Variants in KCTD1 observed in about 807,000 individuals in gnomAD.
KCTD1 encodes the protein potassium channel tetramerization domain containing 1.
In KCTD1, 24 loss-of-function variants were observed where a neutral mutation model predicts 66.0. That is an observed-to-expected ratio of 0.36 (90% CI 0.26 to 0.51). The LOEUF (loss-of-function observed/expected upper bound fraction) is 0.51. Ranked by LOEUF, KCTD1 falls within the 20% of genes least tolerant of loss-of-function variation. KCTD1 has a pLI of 0.95. For missense variants in KCTD1, 943 were observed against 1,205.2 expected, an observed-to-expected ratio of 0.78 and a Z score of 3.22; for synonymous variants, 511 against 517.2, an observed-to-expected ratio of 0.99 and a Z score of 0.16.
At chr18:26,657,130 TGGA>T (rs974386563) in intron 1 of KCTD1, among the ~76,000 whole-genome samples, 16 of 151,108 alleles carry the variant, frequency 1.1e-4, no homozygotes, top group Admixed American at 3.3e-4. Context: ...CAGCTCCCAC[TGGA>T]GGAAGAAAGC....
chr18:26,656,715 G>A (rs1454536898), intron 1 of KCTD1, among the ~76,000 whole-genome samples: 1 of 151,482 alleles, frequency 6.6e-6, no homozygotes, highest in Non-Finnish European at 1.5e-5. Context: ...AGAAGGGGGC[G>A]GCGGGGCCCC....
At chr18:26,654,670 A>T (rs2145085586) in intron 1 of KCTD1, among the ~76,000 whole-genome samples, 1 of 152,262 alleles carries the variant, frequency 6.6e-6, no homozygotes, top group Middle Eastern at 3.4e-3. Flanking sequence ...CCCTCAATTC[A>T]TTTCAAAATT....
Position 26,657,221 on chromosome 18 carries a change from C to G in KCTD1, c.9+139G>C, listed in dbSNP as rs558371155. On this transcript the variant is annotated intron_variant, in intron 1 of 4. Coordinates refer to the KCTD1 transcript ENST00000580191. The stretch of plus-strand genomic sequence containing the variant: ...GGGTCCAAGCGGATTCCTAGTCGCC[C>G]GCCGCGGCGGGCGGCGTGTGTGCGA... The G allele has an allele frequency of 3.7e-4, 224 of 612,142 alleles. 1 individual carries two copies. In the African/African-American group the frequency reaches 4.3e-3, roughly 12 times the overall value. The allele number at this position is 612,142 out of a possible 1,614,324, so 37.9% of individuals were successfully genotyped here. A position where few individuals can be genotyped will look rare whatever the true frequency, so the allele number is the denominator to read the frequency against.
At chr18:26,512,198 G>C (rs1028471081) in intron 1 of KCTD1, among the ~76,000 whole-genome samples, 1 of 151,822 alleles carries the variant, frequency 6.6e-6, no homozygotes, top group African/African-American at 2.4e-5. Flanking sequence ...CTGCCTCCTG[G>C]GTTCAAGCAA....
At chr18:26,641,119 G>A (rs760216256), upstream of KCTD1, among the ~76,000 whole-genome samples, 54 of 152,152 alleles carry the variant, frequency 3.5e-4, no homozygotes, top group Non-Finnish European at 6.8e-4. Flanking sequence ...TGCTGTGTGT[G>A]TATGTAAGGC....
intron 1 of KCTD1, among the ~76,000 whole-genome samples, chr18:26,626,543 A>T (rs1250207598): frequency 2.1e-5 from 3 of 144,720 alleles, no homozygotes; most frequent in African/African-American, 7.7e-5. Flanking sequence ...TGGTGCAATT[A>T]CGGCTCACCA....
intron 1 of KCTD1, among the ~76,000 whole-genome samples, chr18:26,530,139 T>TA (rs1316570544): frequency 6.6e-6 from 1 of 152,204 alleles, no homozygotes; most frequent in Non-Finnish European, 1.5e-5. Flanking sequence ...TTCAAAGCAG[T>TA]ATGTCTAGAG....
Position 26,532,261 on chromosome 18 carries a change from C to CTTT in KCTD1, c.1809+14464_1809+14466dup, listed in dbSNP as rs533359603. ...CTTTTTCTTTTTCTTTTCTTTCCTT[C>CTTT]TTTTTTTTTTTTTTTTTTTTTTTTT... On this transcript the variant is annotated intron_variant, in intron 1 of 4. Transcript: ENST00000580059. 1.5e-3 allele frequency among the ~76,000 whole-genome samples: 45 copies of CTTT among 29,554 alleles called. 1 individual carries two copies. Among genetic ancestry groups the CTTT allele is most frequent in the African/African-American group, 2.2e-3 (34 of 15,388 alleles). 19.4% of individuals were successfully genotyped at this position (29,554 alleles called of 152,430 possible).
At chr18:26,477,160 G>A (rs935892932) in intron 2 of KCTD1, among the ~76,000 whole-genome samples, 2 of 152,072 alleles carry the variant, frequency 1.3e-5, no homozygotes, top group Non-Finnish European at 2.9e-5. Flanking sequence ...ATATAAAAAA[G>A]AATAATTTAA....
chr18:26,490,580 G>A (rs192630813), intron 2 of KCTD1, among the ~76,000 whole-genome samples: 9 of 152,236 alleles, frequency 5.9e-5, no homozygotes, highest in Non-Finnish European at 1.3e-4. Flanking sequence ...CAAAATGTTT[G>A]ACTTTCACAC....
chr18:26,562,907 CT>C (rs957049111), intron 1 of KCTD1, among the ~76,000 whole-genome samples: 2 of 152,180 alleles, frequency 1.3e-5, no homozygotes, highest in Non-Finnish European at 2.9e-5. Flanking sequence ...TTAATTACCT[CT>C]TTAACAACCC....
intron 1 of KCTD1, among the ~76,000 whole-genome samples, chr18:26,509,853 T>C (rs1268287656): frequency 6.6e-6 from 1 of 152,212 alleles, no homozygotes; most frequent in Non-Finnish European, 1.5e-5. Context: ...GCCCGCCCCG[T>C]GCGATCTCTG....
upstream of KCTD1, among the ~76,000 whole-genome samples, chr18:26,629,855 T>C (rs1219391137): frequency 1.3e-5 from 2 of 151,920 alleles, no homozygotes; most frequent in Admixed American, 1.3e-4. Flanking sequence ...GTAGCTGGGA[T>C]TATAGATGTC....
intron 1 of KCTD1, among the ~76,000 whole-genome samples, chr18:26,517,492 C>G (rs1245316217): frequency 6.6e-6 from 1 of 151,892 alleles, no homozygotes; most frequent in South Asian, 2.1e-4. Context: ...CCCGTCTCTA[C>G]TAAAAAATAC....
At chr18:26,579,125 C>T (rs1048443585) in intron 1 of KCTD1, among the ~76,000 whole-genome samples, 1 of 151,978 alleles carries the variant, frequency 6.6e-6, no homozygotes, top group African/African-American at 2.4e-5. Flanking sequence ...AGACTGCAAA[C>T]TCCTTATTTG....
chr18:26,540,635 G>A (rs1259890907), intron 1 of KCTD1, among the ~76,000 whole-genome samples: 1 of 152,080 alleles, frequency 6.6e-6, no homozygotes, highest in African/African-American at 2.4e-5. Flanking sequence ...AGACCTTTAT[G>A]ATCATCCACT....
chr18:26,488,962 C>T (rs1982053589), intron 2 of KCTD1, among the ~76,000 whole-genome samples: 1 of 152,156 alleles, frequency 6.6e-6, no homozygotes, highest in Non-Finnish European at 1.5e-5. Context: ...AATGTCACTG[C>T]CGTCAGATTG....
At chr18:26,540,727 G>A (rs552817939) in intron 1 of KCTD1, among the ~76,000 whole-genome samples, 6 of 152,080 alleles carry the variant, frequency 3.9e-5, no homozygotes, top group Admixed American at 6.6e-5. Context: ...TTACTTTATT[G>A]TAAGAATACA....
chr18:26,540,795 G>A lies in KCTD1; in HGVS notation c.1809+5933C>T, dbSNP rs79328282. On this transcript the variant is annotated intron_variant, in intron 1 of 4. Coordinates refer to ENST00000580059, the MANE Select transcript of KCTD1 (RefSeq NM_001142730.3). ...ATCAACTGTTTATGGTATTGGCAAA[G>A]CTTCTGGTCAACAGCAAGCTATTAG... 3.8e-3 allele frequency among the ~76,000 whole-genome samples: 577 copies of A among 152,320 alleles called. 4 individuals carry two copies. Among genetic ancestry groups the A allele is most frequent in the African/African-American group, 0.013 (549 of 41,574 alleles).
Sources: allele counts gnomAD v4.1 joint callset (sites outside exome capture counted in the v4.1 genomes callset), GRCh38; gene constraint gnomAD v4.1.1; transcripts MANE v1.5; gene names NCBI Gene and HGNC (gene_info 2026-07-23, HGNC 2026-07-21).